RIMS2: variants seen among roughly 807,000 people sequenced by gnomAD.
RIMS2 encodes regulating synaptic membrane exocytosis protein 2.
In RIMS2, 59 loss-of-function variants were observed where a neutral mutation model predicts 174.4. The ratio of observed to expected loss-of-function variants is 0.34; its 90% CI spans 0.27 to 0.42. RIMS2 has a LOEUF of 0.42. Ranked by LOEUF, RIMS2 falls within the 10% of genes least tolerant of loss-of-function variation. The pLI is 1.00. For synonymous variants in RIMS2, 606 were observed against 572.5 expected (o/e 1.06, Z -0.84); for missense variants, 1,620 against 1,666.3 (o/e 0.97, Z 0.48).
chr8:104,127,340 C>T (rs943776336), intron 19 of RIMS2, among the ~76,000 whole-genome samples: 22 of 152,124 alleles, frequency 1.4e-4, no homozygotes, highest in African/African-American at 5.3e-4. Context: ...GAAGCAAAAC[C>T]ATTGATTCAG....
At chr8:103,512,382 C>T (rs1826947846) in intron 1 of RIMS2, among the ~76,000 whole-genome samples, 1 of 152,174 alleles carries the variant, frequency 6.6e-6, no homozygotes, top group South Asian at 2.1e-4. Context: ...ATATTCGTAT[C>T]TTAAAACAAC....
chr8:104,197,926 G>T (rs74768203), intron 19 of RIMS2, among the ~76,000 whole-genome samples: 1 of 151,418 alleles, frequency 6.6e-6, no homozygotes, highest in African/African-American at 2.4e-5. Context: ...TACCAATGAG[G>T]CAATTGCTTA....
At chr8:103,810,617 C>CTACA (rs1398277410) in intron 3 of RIMS2, among the ~76,000 whole-genome samples, 7 of 152,056 alleles carry the variant, frequency 4.6e-5, no homozygotes, top group African/African-American at 1.7e-4. Context: ...TATTTAAGGT[C>CTACA]TACAACATGA....
At chr8:103,636,499 CT>C (rs753009881) in intron 1 of RIMS2, among the ~76,000 whole-genome samples, 27,670 of 152,104 alleles carry the variant, frequency 0.18, 2,761 homozygotes, top group African/African-American at 0.26. Flanking sequence ...AACATGGTTT[CT>C]CCCCTGGGAA....
At chr8:104,185,025 G>A (rs2098960776) in intron 19 of RIMS2, among the ~76,000 whole-genome samples, 1 of 151,324 alleles carries the variant, frequency 6.6e-6, no homozygotes, top group Admixed American at 6.6e-5. Context: ...GTTATGACTG[G>A]CGGGTTATAA....
chr8:103,766,568 G>T (rs575408391), intron 3 of RIMS2, 31 bp downstream of exon 6: 1 of 1,453,580 alleles, frequency 6.9e-7, no homozygotes, highest in Non-Finnish European at 9.5e-7. Context: ...TTAGGCAAAT[G>T]TATTACTTTT....
intron 19 of RIMS2, among the ~76,000 whole-genome samples, chr8:104,178,246 G>A (rs897700280): frequency 6.6e-6 from 1 of 152,074 alleles, no homozygotes; most frequent in Non-Finnish European, 1.5e-5. Context: ...TGTTTAGGTT[G>A]TTGGCAGAAT....
chr8:104,220,126 T>C (rs1381545104), intron 19 of RIMS2, among the ~76,000 whole-genome samples: 5 of 152,034 alleles, frequency 3.3e-5, no homozygotes, highest in African/African-American at 1.2e-4. Flanking sequence ...CTGGCCATTA[T>C]TGAAGGTCTG....
At chr8:103,846,802 A>G (rs78128888) in intron 3 of RIMS2, among the ~76,000 whole-genome samples, 1 of 151,930 alleles carries the variant, frequency 6.6e-6, no homozygotes, top group East Asian at 1.9e-4. Flanking sequence ...ATACTTAAAT[A>G]TTTTTTTCCA....
intron 1 of RIMS2, among the ~76,000 whole-genome samples, chr8:103,669,667 C>T (rs1211266982): frequency 6.6e-6 from 1 of 152,236 alleles, no homozygotes; most frequent in Non-Finnish European, 1.5e-5. Flanking sequence ...TCCAGTGGGA[C>T]AGTCAAATCT....
intron 2 of RIMS2, among the ~76,000 whole-genome samples, chr8:103,705,077 T>A (rs1116623): frequency 1.3e-5 from 2 of 151,744 alleles, no homozygotes; most frequent in African/African-American, 2.4e-5. Context: ...CTTTTTTGAC[T>A]TAGCCATTTA....
intron 19 of RIMS2, among the ~76,000 whole-genome samples, chr8:104,057,227 C>T (rs2096885660): frequency 6.6e-6 from 1 of 151,862 alleles, no homozygotes; most frequent in Admixed American, 6.6e-5. Flanking sequence ...CTACCGCCCC[C>T]AGCTAAATTT....
intron 1 of RIMS2, among the ~76,000 whole-genome samples, chr8:103,628,900 T>A (rs1044084648): frequency 6.6e-6 from 1 of 151,918 alleles, no homozygotes; most frequent in Non-Finnish European, 1.5e-5. Flanking sequence ...CTCCTTCCCC[T>A]CCCCATGGAG....
chr8:103,972,591 T>C (rs148505309), intron 15 of RIMS2, among the ~76,000 whole-genome samples: 47 of 152,302 alleles, frequency 3.1e-4, no homozygotes, highest in African/African-American at 1.1e-3. Flanking sequence ...CTCCAATAGC[T>C]GTTCTTCATC....
At chr8:103,917,270 T>G (rs75777365) in intron 8 of RIMS2, among the ~76,000 whole-genome samples, 1,757 of 152,306 alleles carry the variant, frequency 0.012, 42 homozygotes, top group African/African-American at 0.04. Context: ...TGTAGAATGG[T>G]AATGTCCAGT....
At chr8:103,587,405 AAAAGAAGAAAG>A (rs1440344984) in intron 1 of RIMS2, among the ~76,000 whole-genome samples, 7 of 143,902 alleles carry the variant, frequency 4.9e-5, no homozygotes, top group South Asian at 2.3e-4. Context: ...TCAGGAAGAA[AAAAGAAGAAAG>A]AAAGAAAGAA....
At chr8:103,559,772 G>A (rs2091282046) in intron 1 of RIMS2, among the ~76,000 whole-genome samples, 1 of 152,208 alleles carries the variant, frequency 6.6e-6, no homozygotes, top group African/African-American at 2.4e-5. Flanking sequence ...AAGTTAGCCT[G>A]CCGTGGTTTC....
At chr8:103,899,484 C>T (rs1308624655) in intron 4 of RIMS2, among the ~76,000 whole-genome samples, 1 of 151,782 alleles carries the variant, frequency 6.6e-6, no homozygotes, top group East Asian at 1.9e-4. Context: ...TGATGATGAG[C>T]ATTTTTTCAT....
At chr8:103,743,235 A>C (rs2097777306) in intron 2 of RIMS2, among the ~76,000 whole-genome samples, 1 of 152,192 alleles carries the variant, frequency 6.6e-6, no homozygotes, top group African/African-American at 2.4e-5. Context: ...TCTATATTTC[A>C]TGTATATAAC....
Sources: gnomAD v4.1 joint callset for allele counts (sites outside exome capture counted in the v4.1 genomes callset) on GRCh38, gnomAD v4.1.1 for gene constraint, MANE v1.5 for transcripts, NCBI Gene and HGNC (gene_info 2026-07-23, HGNC 2026-07-21) for gene names.